Variants in LDAH observed in about 807,000 individuals in gnomAD.
LDAH encodes lipid droplet associated hydrolase.
LDAH carries 26 observed loss-of-function variants against 29.6 expected under a neutral mutation model. The ratio of observed to expected loss-of-function variants is 0.88; its 90% CI spans 0.64 to 1.22. The LOEUF (loss-of-function observed/expected upper bound fraction) is 1.22, where lower values mean the gene tolerates loss of function less well. LDAH is among the 50% of genes most tolerant of loss of function. The pLI is 0.00. For synonymous variants in LDAH, 117 were observed against 133.0 expected, an observed-to-expected ratio of 0.88 and a Z score of 0.83; for missense variants, 344 against 387.3, an observed-to-expected ratio of 0.89 and a Z score of 0.94.
intron 6 of LDAH, among the ~76,000 whole-genome samples, chr2:20,693,659 T>C (rs774722219): frequency 2.6e-5 from 4 of 152,266 alleles, no homozygotes; most frequent in East Asian, 1.9e-4. Flanking sequence ...GCCTAAGCTA[T>C]AGTGCCCTTT....
chr2:20,738,513 A>G (rs1286361448), intron 5 of LDAH, among the ~76,000 whole-genome samples: 2 of 151,914 alleles, frequency 1.3e-5, no homozygotes, highest in African/African-American at 4.8e-5. Flanking sequence ...CTCACCCTGA[A>G]TTCTTTCTTG....
chr2:20,724,230 C>T lies in LDAH; in HGVS notation c.703+15741G>A, dbSNP rs1021204674. ...AGTCCAAATTCATTCATCTTCTCCTCTGTTACTTACCTAGGTATTAATAGA... is the reference window on the plus strand; with the variant it reads ...AGTCCAAATTCATTCATCTTCTCCTTTGTTACTTACCTAGGTATTAATAGA... On this transcript the variant is annotated intron_variant, in intron 5 of 6. Coordinates refer to ENST00000237822, the MANE Select transcript of LDAH (RefSeq NM_021925.4). 3.9e-5 allele frequency among the ~76,000 whole-genome samples: 6 copies of T among 152,244 alleles called. No individual in the cohort carries two copies. In the South Asian group the frequency reaches 1.0e-3, roughly 26 times the overall value.
At chr2:20,791,045 G>C (rs1463974094) in intron 2 of LDAH, among the ~76,000 whole-genome samples, 1 of 152,060 alleles carries the variant, frequency 6.6e-6, no homozygotes, top group Non-Finnish European at 1.5e-5. Context: ...CTATTTCTCT[G>C]ATCAGTTTAT....
rs764248165 is a variant in LDAH, at chr2:20,774,897, C to T, written c.381G>A (p.Val127=). ...TGAGCACAAGTTTCATGTCCTTTGG[C>T]ACATGAGTTCTCAGGAAAGCTAGTT... The part of the protein sequence containing the change: ...EHKLAFLRTH[V]PKDMKLVLIG... Residue 127 remains valine, a synonymous_variant, in exon 4 of 7, where the codon GTG becomes GTA. Transcript: ENST00000237822. 1.9e-6 allele frequency: 3 copies of T among 1,613,516 alleles called. No individual in the cohort carries two copies. The South Asian group carries it at 3.3e-5, about 18-fold the overall frequency.
intron 5 of LDAH, among the ~76,000 whole-genome samples, chr2:20,713,084 T>A (rs1192736989): frequency 2.0e-5 from 3 of 152,024 alleles, no homozygotes; most frequent in Admixed American, 2.0e-4. Flanking sequence ...AGACACATAA[T>A]TGTCAGATTC....
chr2:20,821,756 A>G (rs1200265408), intron 1 of LDAH, among the ~76,000 whole-genome samples: 4 of 152,242 alleles, frequency 2.6e-5, no homozygotes, highest in African/African-American at 9.6e-5. Flanking sequence ...CCTAGAACTT[A>G]AAGTATAATT....
chr2:20,758,320 C>A (rs1668467792), intron 4 of LDAH, among the ~76,000 whole-genome samples: 1 of 152,080 alleles, frequency 6.6e-6, no homozygotes, highest in South Asian at 2.1e-4. Flanking sequence ...TATTAAATGA[C>A]AAGATGGAGA....
intron 1 of LDAH, among the ~76,000 whole-genome samples, chr2:20,803,775 T>C (rs905393067): frequency 3.3e-5 from 5 of 152,210 alleles, no homozygotes; most frequent in African/African-American, 7.2e-5. Flanking sequence ...CCGTCCTTCA[T>C]TGGGTACTTT....
In LDAH at chr2:20,709,949, A is replaced by G. The variant is rs186610552; in HGVS notation, c.704-8297T>C. Among the ~76,000 whole-genome samples, 74 of 152,322 alleles carry G rather than the reference A, an allele frequency of 4.9e-4. 1 individual carries two copies. The highest frequency in any genetic ancestry group is 2.8e-4 in the Non-Finnish European group (19 of 68,008). ...CAGGGCCAAAGCAGTAGTTAGAGAG[A>G]AATTTATAACGCTAAAAACTTACAT... On this transcript the variant is annotated intron_variant, in intron 5 of 6. Coordinates refer to ENST00000237822, the MANE Select transcript of LDAH (RefSeq NM_021925.4).
chr2:20,781,604 T>G (rs544452634), intron 3 of LDAH, among the ~76,000 whole-genome samples: 1 of 152,234 alleles, frequency 6.6e-6, no homozygotes, highest in Non-Finnish European at 1.5e-5. Flanking sequence ...CTGTTCTAGC[T>G]GAATGGGGGG....
rs150840752 is a variant in LDAH at position 20,726,920 on chromosome 2, T to C, written c.703+13051A>G. Among the ~76,000 whole-genome samples, 119 of 152,324 alleles carry C rather than the reference T, an allele frequency of 7.8e-4. No individual in the cohort carries two copies. In the East Asian group the frequency reaches 0.019, roughly 25 times the overall value. ...AAATTTCTTTAGAAAAAATAAGATA[T>C]TCATTGCGCTATTAACTTCTAAACC... is the stretch of plus-strand genomic sequence containing the variant. On this transcript the variant is annotated intron_variant, in intron 5 of 6. Transcript: ENST00000237822.
intron 4 of LDAH, among the ~76,000 whole-genome samples, chr2:20,758,343 A>G (rs1414452631): frequency 6.6e-6 from 1 of 152,242 alleles, no homozygotes; most frequent in Non-Finnish European, 1.5e-5. Flanking sequence ...TGCAGGAATT[A>G]GTAATTATAA....
At chr2:20,771,094 T>A (rs1669381506) in intron 4 of LDAH, among the ~76,000 whole-genome samples, 1 of 152,188 alleles carries the variant, frequency 6.6e-6, no homozygotes, top group South Asian at 2.1e-4. Flanking sequence ...TATCTCTAAT[T>A]CTATGTATGG....
intron 4 of LDAH, among the ~76,000 whole-genome samples, chr2:20,759,130 A>G (rs775451513): frequency 6.6e-6 from 1 of 152,160 alleles, no homozygotes; most frequent in Non-Finnish European, 1.5e-5. Context: ...TTTTTGCAGA[A>G]GCTCCCATAA....
chr2:20,697,423 G>T (rs987331067), intron 6 of LDAH, among the ~76,000 whole-genome samples: 6 of 152,056 alleles, frequency 3.9e-5, no homozygotes, highest in Non-Finnish European at 8.8e-5. Flanking sequence ...CCACACATTT[G>T]CCCTCAAGAT....
In LDAH at chr2:20,684,964, AAG is replaced by A. The variant is rs1386311850; in HGVS notation, c.*1937_*1938del. ...TGAGAAAGGTGGCTTTTCACTTTAAAAGAGAGACTTTGAGCCGAGTCTAACTC... is the reference window on the plus strand; with the variant it reads ...TGAGAAAGGTGGCTTTTCACTTTAAAAGAGACTTTGAGCCGAGTCTAACTC... On this transcript the variant is annotated 3_prime_UTR_variant, in exon 7 of 7. Transcript: ENST00000237822. 1.9e-6 allele frequency: 3 copies of A among 1,548,312 alleles called. No individual in the cohort carries two copies. The highest frequency in any genetic ancestry group is 2.6e-6 in the Non-Finnish European group (3 of 1,146,166).
intron 4 of LDAH, among the ~76,000 whole-genome samples, chr2:20,768,164 G>A (rs1669165702): frequency 6.6e-6 from 1 of 152,208 alleles, no homozygotes; most frequent in Non-Finnish European, 1.5e-5. Context: ...AGGACCTGAT[G>A]AGTGGCGAGG....
At chr2:20,687,609 C>A (rs7562230) in intron 6 of LDAH, among the ~76,000 whole-genome samples, 51,451 of 152,064 alleles carry the variant, frequency 0.34, 8,999 homozygotes, top group East Asian at 0.51. Context: ...AGTTTATGAC[C>A]TTTCTAAGAA....
At chr2:20,756,092 C>T (rs116301654) in intron 4 of LDAH, among the ~76,000 whole-genome samples, 2,277 of 151,762 alleles carry the variant, frequency 0.015, 54 homozygotes, top group African/African-American at 0.052. Flanking sequence ...AGTGTAGTGG[C>T]GCGGTCTTGG....
Sources: allele counts gnomAD v4.1 joint callset (sites outside exome capture counted in the v4.1 genomes callset), GRCh38; gene constraint gnomAD v4.1.1; transcripts MANE v1.5; gene names NCBI Gene and HGNC (gene_info 2026-07-23, HGNC 2026-07-21).